THOC5: variants seen among roughly 807,000 people sequenced by gnomAD.
THOC5 encodes the protein THO complex subunit 5, also known as Fms-interacting protein.
THOC5 carries 43 observed loss-of-function variants against 92.9 expected under a neutral mutation model. The observed-to-expected ratio is 0.46, with a 90% confidence interval of 0.36 to 0.60. The LOEUF (loss-of-function observed/expected upper bound fraction) is 0.60, where lower values mean the gene tolerates loss of function less well. THOC5 is among the 20% of genes least tolerant of loss of function. The pLI, the probability that THOC5 is intolerant of heterozygous loss-of-function variation, is 0.00. For synonymous variants in THOC5, 296 were observed against 320.1 expected (o/e 0.92, Z 0.80); for missense variants, 659 against 849.4 (o/e 0.78, Z 2.79).
chr22:29,526,002 A>ACAGAGT, intron 11 of THOC5, 56 bp from the exon 12 acceptor site: 1 of 884,694 alleles, frequency 1.1e-6, no homozygotes, highest in Non-Finnish European at 1.7e-6. Flanking sequence ...AGCAGAGTGA[A>ACAGAGT]CAGAGTCATA....
chr22:29,550,695 C>T (rs1309244934), intron 1 of THOC5: 2 of 152,108 alleles, frequency 1.3e-5, no homozygotes, highest in Admixed American at 6.6e-5. Context: ...GGGTCTGATT[C>T]CTCACAAATC....
intron 2 of THOC5, among the ~76,000 whole-genome samples, chr22:29,546,004 G>A (rs988827128): frequency 4.6e-5 from 7 of 152,224 alleles, no homozygotes; most frequent in Non-Finnish European, 8.8e-5. Context: ...AGGTGTTTCC[G>A]TACATCTTCT....
intron 1 of THOC5, chr22:29,553,450 C>G (rs1222248930): frequency 6.6e-6 from 1 of 152,638 alleles, no homozygotes; most frequent in Non-Finnish European, 1.5e-5. Context: ...TACATTACCA[C>G]AATCAAGAGG....
intron 2 of THOC5, among the ~76,000 whole-genome samples, chr22:29,548,663 G>T (rs924308954): frequency 2.6e-5 from 4 of 152,104 alleles, no homozygotes; most frequent in Admixed American, 1.3e-4. Context: ...GAGCTCTCAG[G>T]CCACAAAAGA....
chr22:29,542,975 C>A lies in THOC5; in HGVS notation c.355-19G>T. On this transcript the variant is annotated intron_variant, in intron 4 of 19. Transcript: ENST00000490103. Reference sequence around the variant, plus strand: ...GCTTAGCCTGAAAGGAAAATACGATCAGAAGTGAGCAGGGCAAGTCAGGAT... The same window carrying A: ...GCTTAGCCTGAAAGGAAAATACGATAAGAAGTGAGCAGGGCAAGTCAGGAT... The A allele has an allele frequency of 6.3e-7, 1 of 1,579,616 alleles. No individual in the cohort carries two copies. The highest frequency in any genetic ancestry group is 1.1e-5 in the South Asian group (1 of 89,176).
chr22:29,515,097 A>G (rs559247202), intron 17 of THOC5, among the ~76,000 whole-genome samples: 1 of 152,148 alleles, frequency 6.6e-6, no homozygotes, highest in East Asian at 1.9e-4. Flanking sequence ...GCTGGAGTGC[A>G]GTGGCATGAT....
chr22:29,548,273 G>C (rs1027346718), intron 2 of THOC5, among the ~76,000 whole-genome samples: 1 of 152,162 alleles, frequency 6.6e-6, no homozygotes, highest in South Asian at 2.1e-4. Context: ...AGGAATTCCA[G>C]CTGGGTGCGG....
rs184808938 is a variant in THOC5 at position 29,513,286 on chromosome 22, G to A, written c.1682-1150C>T. ...GCAGGAGAATCGCTTGAATCCAGGA[G>A]GTGGAGCTTGCAGTGAGCAGAGATC... On this transcript the variant is annotated intron_variant, in intron 17 of 19. Coordinates refer to ENST00000490103, the MANE Select transcript of THOC5 (RefSeq NM_003678.5). Among the ~76,000 whole-genome samples the A allele has an allele frequency of 9.2e-5, 14 of 152,022 alleles. 1 individual carries two copies. The East Asian group carries it at 2.7e-3, about 29-fold the overall frequency.
At chr22:29,532,524 G>T (rs555135313) in intron 7 of THOC5, among the ~76,000 whole-genome samples, 1 of 151,982 alleles carries the variant, frequency 6.6e-6, no homozygotes, top group Admixed American at 6.6e-5. Context: ...AATTAGCTGG[G>T]CGTGGTGGCA....
In THOC5 at chr22:29,521,052, T is replaced by C. The variant is rs746820500; in HGVS notation, c.1223A>G (p.Asp408Gly). Residue 408 changes from aspartate (D) to glycine (G), a missense_variant, in exon 13 of 20, where the codon GAT (aspartate) becomes GGT (glycine). Transcript: ENST00000490103. Reference protein sequence around the residue: ...DSVLSCLYPGDHGKKTPNPAN... With the variant: ...DSVLSCLYPGGHGKKTPNPAN... Reference sequence around the variant, plus strand: ...TGGATTCGGAGTTTTCTTTCCATGATCCCCAGGATACAAGCAACTCAGGAC... The same window carrying C: ...TGGATTCGGAGTTTTCTTTCCATGACCCCCAGGATACAAGCAACTCAGGAC... 6.2e-7 allele frequency: 1 copy of C among 1,613,944 alleles called. No individual in the cohort carries two copies. The highest frequency in any genetic ancestry group is 8.5e-7 in the Non-Finnish European group (1 of 1,179,994).
chr22:29,506,800 C>A lies in THOC5; in HGVS notation c.*1657G>T, dbSNP rs934799710. On this transcript the variant is annotated 3_prime_UTR_variant, in exon 20 of 20. Coordinates refer to ENST00000490103, the MANE Select transcript of THOC5 (RefSeq NM_003678.5). ...ATCCTGTAAGACTTAGAATTACTCTCTGTGAAGTACAGTTGATCTCTGAAC... is the reference window on the plus strand; with the variant it reads ...ATCCTGTAAGACTTAGAATTACTCTATGTGAAGTACAGTTGATCTCTGAAC... The A allele has an allele frequency of 1.3e-5, 2 of 152,252 alleles. No individual in the cohort carries two copies. Among genetic ancestry groups the A allele is most frequent in the Admixed American group, 1.3e-4 (2 of 15,288 alleles). The allele number at this position is 152,252 out of a possible 1,614,324, so 9.4% of individuals were successfully genotyped here. A position where few individuals can be genotyped will look rare whatever the true frequency, so the allele number is the denominator to read the frequency against.
rs1331661224 is a variant in THOC5, at chr22:29,508,156, T to C, written c.*301A>G. 17 of 419,960 alleles carry C rather than the reference T, an allele frequency of 4.0e-5. No individual in the cohort carries two copies. The East Asian group carries it at 5.8e-4, about 14-fold the overall frequency. The allele number at this position is 419,960 out of a possible 1,614,324, so 26.0% of individuals were successfully genotyped here. On this transcript the variant is annotated 3_prime_UTR_variant, in exon 20 of 20. Transcript: ENST00000490103. The stretch of plus-strand genomic sequence containing the variant: ...CCGCAAAGCACAAATAGGGTGTGCG[T>C]AGACAAGAGGTGAGCATCTCTCTGC...
chr22:29,540,811 A>G (rs2063865428), intron 5 of THOC5, among the ~76,000 whole-genome samples: 1 of 152,230 alleles, frequency 6.6e-6, no homozygotes, highest in South Asian at 2.1e-4. Context: ...AGGAACTGAC[A>G]CTGGTACAAT....
intron 5 of THOC5, among the ~76,000 whole-genome samples, chr22:29,540,534 G>A (rs1260287563): frequency 6.6e-6 from 1 of 152,170 alleles, no homozygotes; most frequent in African/African-American, 2.4e-5. Context: ...AACCCAGGCT[G>A]TGTAACTTCA....
intron 12 of THOC5, among the ~76,000 whole-genome samples, chr22:29,522,194 C>CAAA (rs34045670): frequency 1.5e-5 from 2 of 137,606 alleles, no homozygotes; most frequent in Admixed American, 7.3e-5. Flanking sequence ...GCTAAAAATA[C>CAAA]AAAAAAAAAA....
At chr22:29,546,933 C>T (rs918182917) in intron 2 of THOC5, among the ~76,000 whole-genome samples, 7 of 151,600 alleles carry the variant, frequency 4.6e-5, no homozygotes, top group African/African-American at 1.5e-4. Flanking sequence ...TTCTGCCTCC[C>T]GGGTTCAAGC....
chr22:29,511,481 C>T lies in THOC5; in HGVS notation c.1798-185G>A, dbSNP rs2074947. 0.036 allele frequency: 21,001 copies of T among 588,576 alleles called. 2,766 individuals are homozygous for T. The East Asian group carries it at 0.38, about 11-fold the overall frequency. The allele number at this position is 588,576 out of a possible 1,614,324, so 36.5% of individuals were successfully genotyped here. ...GGCCCCCTCATCAAGACAATGAGGTCTTCCTGATTCTGACCCATAGCTTTC... is the reference window on the plus strand; with the variant it reads ...GGCCCCCTCATCAAGACAATGAGGTTTTCCTGATTCTGACCCATAGCTTTC... On this transcript the variant is annotated intron_variant, in intron 18 of 19. Transcript: ENST00000490103.
chr22:29,511,252 G>A lies in THOC5; in HGVS notation c.1842C>T (p.Gly614=). Residue 614 remains glycine (G), a synonymous_variant, in exon 19 of 20, where the codon GGC becomes GGT. Transcript: ENST00000490103. ...EVNVCYKELC[G]PWPSHQLLTN... ...TCAACAGCTGGTGGCTGGGCCAAGG[G>A]CCACACAGCTCCTTGTAGCACACAT... The A allele has an allele frequency of 6.2e-7, 1 of 1,614,096 alleles. No individual in the cohort carries two copies. The highest frequency in any genetic ancestry group is 8.5e-7 in the Non-Finnish European group (1 of 1,180,036).
chr22:29,530,306 A>G (rs2146503376), intron 8 of THOC5, among the ~76,000 whole-genome samples: 1 of 150,866 alleles, frequency 6.6e-6, no homozygotes, highest in East Asian at 2.0e-4. Flanking sequence ...ATCACCTGAG[A>G]TCAGGAGTTC....
Sources: gnomAD v4.1 joint callset for allele counts (sites outside exome capture counted in the v4.1 genomes callset) on GRCh38, gnomAD v4.1.1 for gene constraint, MANE v1.5 for transcripts, NCBI Gene and HGNC (gene_info 2026-07-23, HGNC 2026-07-21) for gene names.